Variants in MYT1L observed in about 807,000 individuals in gnomAD.
The protein encoded by MYT1L is myelin transcription factor 1-like protein.
MYT1L carries 12 observed loss-of-function variants against 126.7 expected under a neutral mutation model. The ratio of observed to expected loss-of-function variants is 0.09; its 90% CI spans 0.06 to 0.15. The LOEUF is 0.15. MYT1L is among the 10% of genes least tolerant of loss of function. The pLI is 1.00. For synonymous variants in MYT1L, 541 were observed against 604.2 expected, an observed-to-expected ratio of 0.90 and a Z score of 1.53; for missense variants, 979 against 1,585.2, an observed-to-expected ratio of 0.62 and a Z score of 6.49.
intron 2 of MYT1L, among the ~76,000 whole-genome samples, chr2:2,184,444 G>A (rs1472063109): frequency 1.3e-5 from 2 of 152,114 alleles, no homozygotes; most frequent in Admixed American, 1.3e-4. Context: ...TTATTTTCAG[G>A]CAAAGGCCCA....
intron 21 of MYT1L, among the ~76,000 whole-genome samples, chr2:1,833,481 T>C (rs1204887728): frequency 6.6e-6 from 1 of 152,182 alleles, no homozygotes; most frequent in African/African-American, 2.4e-5. Context: ...TGCTTCCTCA[T>C]GTATACAATC....
At chr2:2,093,761 T>A (rs1485476518) in intron 3 of MYT1L, among the ~76,000 whole-genome samples, 1 of 152,234 alleles carries the variant, frequency 6.6e-6, no homozygotes, top group Non-Finnish European at 1.5e-5. Flanking sequence ...GTGAAGTCCT[T>A]GCCCATGCCT....
chr2:2,021,953 T>C (rs1386274729), intron 4 of MYT1L, among the ~76,000 whole-genome samples: 2 of 152,090 alleles, frequency 1.3e-5, no homozygotes, highest in African/African-American at 2.4e-5. Flanking sequence ...CAAGACATCA[T>C]GCTTGCACAG....
chr2:2,181,035 T>C (rs1213918204), intron 2 of MYT1L, among the ~76,000 whole-genome samples: 2 of 149,528 alleles, frequency 1.3e-5, no homozygotes, highest in Admixed American at 6.7e-5. Flanking sequence ...TGTACCTGCA[T>C]GTGCCTGTGT....
chr2:2,319,679 A>G (rs1171330582), intron 1 of MYT1L, among the ~76,000 whole-genome samples: 1 of 152,110 alleles, frequency 6.6e-6, no homozygotes. Flanking sequence ...AAGTCATAAG[A>G]ATGCTTTAAT....
chr2:2,143,619 A>T (rs574732672), intron 3 of MYT1L, among the ~76,000 whole-genome samples: 2 of 152,228 alleles, frequency 1.3e-5, no homozygotes, highest in South Asian at 4.1e-4. Flanking sequence ...TGAGGGGCAG[A>T]GGTGGGTCAT....
chr2:1,846,546 C>T (rs544580210), intron 19 of MYT1L, among the ~76,000 whole-genome samples: 24 of 152,158 alleles, frequency 1.6e-4, no homozygotes, highest in Non-Finnish European at 3.5e-4. Context: ...ACAGCTCCAG[C>T]GAGAAAGGGC....
chr2:1,992,066 C>T (rs980977915), intron 5 of MYT1L, among the ~76,000 whole-genome samples: 4 of 152,172 alleles, frequency 2.6e-5, no homozygotes, highest in Non-Finnish European at 5.9e-5. Context: ...TTAACCACGC[C>T]CCTAATTCCT....
At chr2:1,854,312 C>CT (rs985140386) in intron 18 of MYT1L, among the ~76,000 whole-genome samples, 5 of 151,692 alleles carry the variant, frequency 3.3e-5, no homozygotes, top group Non-Finnish European at 7.4e-5. Flanking sequence ...TAAAGTAGGG[C>CT]TTTTTTTGAG....
At chr2:1,881,530 T>C (rs2047550193) in intron 18 of MYT1L, among the ~76,000 whole-genome samples, 1 of 151,918 alleles carries the variant, frequency 6.6e-6, no homozygotes, top group East Asian at 1.9e-4. Context: ...TTTTGTAGGA[T>C]TTTTTTTGTA....
intron 1 of MYT1L, chr2:2,325,833 C>T (rs948650363): frequency 6.6e-6 from 1 of 152,272 alleles, no homozygotes; most frequent in African/African-American, 2.4e-5. Context: ...AGAGAGGGTC[C>T]ATTGTTGGCG....
chr2:2,283,204 C>A (rs1325746534), intron 2 of MYT1L, among the ~76,000 whole-genome samples: 1 of 152,214 alleles, frequency 6.6e-6, no homozygotes, highest in Non-Finnish European at 1.5e-5. Flanking sequence ...TCAAAGAAAT[C>A]AGTCTTGAAG....
chr2:2,220,942 G>C (rs2093846895), intron 2 of MYT1L, among the ~76,000 whole-genome samples: 1 of 152,082 alleles, frequency 6.6e-6, no homozygotes. Context: ...TGGTTTAAAA[G>C]AGAGAGAGAA....
rs1433845149 is a variant in MYT1L at position 1,943,408 on chromosome 2, C to A, written c.153-74G>T. ...TGTGTTACTGTCTTTTAAAATCAGA[C>A]CAATGGGGGCCTTGATCAAGGTACT... On this transcript the variant is annotated intron_variant, in intron 8 of 24. Coordinates refer to ENST00000647738, the MANE Select transcript of MYT1L (RefSeq NM_001303052.2). The surrounding 1 kb of genome is among the most constrained non-coding windows in gnomAD (Gnocchi z 4.4). The A allele has an allele frequency of 2.8e-6, 4 of 1,431,660 alleles. No homozygotes were observed. Among genetic ancestry groups the A allele is most frequent in the Non-Finnish European group, 3.7e-6 (4 of 1,087,964 alleles). The allele number at this position is 1,431,660 out of a possible 1,614,324, so 88.7% of individuals were successfully genotyped here. A position where few individuals can be genotyped will look rare whatever the true frequency, so the allele number is the denominator to read the frequency against.
intron 13 of MYT1L, among the ~76,000 whole-genome samples, chr2:1,903,781 T>C (rs1031210239): frequency 6.6e-6 from 1 of 152,116 alleles, no homozygotes; most frequent in African/African-American, 2.4e-5. Context: ...AACTGGACAA[T>C]GAGGTAGGCT....
chr2:2,200,785 C>T (rs930981353), intron 2 of MYT1L, among the ~76,000 whole-genome samples: 1 of 152,204 alleles, frequency 6.6e-6, no homozygotes, highest in Non-Finnish European at 1.5e-5. Context: ...GGGTTGCGCT[C>T]ATGGCTGTTC....
intron 14 of MYT1L, 47 bp downstream of exon 14, chr2:1,903,033 C>A (rs1285384091): frequency 6.5e-7 from 1 of 1,534,310 alleles, no homozygotes; most frequent in South Asian, 1.1e-5. Context: ...ACAACAACAT[C>A]ATCAATGGCA....
chr2:1,925,097 G>A (rs2054052277), intron 9 of MYT1L, among the ~76,000 whole-genome samples: 1 of 152,182 alleles, frequency 6.6e-6, no homozygotes, highest in Non-Finnish European at 1.5e-5. Flanking sequence ...TGAATGATAA[G>A]CTATGATTTG....
chr2:2,311,318 T>C (rs1236690291), intron 1 of MYT1L, among the ~76,000 whole-genome samples: 7 of 152,224 alleles, frequency 4.6e-5, no homozygotes, highest in Admixed American at 6.5e-5. Flanking sequence ...ACTTGGATAT[T>C]CTATGCTGAT....
Sources: allele counts gnomAD v4.1 joint callset (sites outside exome capture counted in the v4.1 genomes callset), GRCh38; gene constraint gnomAD v4.1.1; non-coding constraint Gnocchi (gnomAD v3.1); transcripts MANE v1.5; gene names NCBI Gene and HGNC (gene_info 2026-07-23, HGNC 2026-07-21).